Variants in IMMP2L observed in about 807,000 individuals in gnomAD.
IMMP2L encodes inner mitochondrial membrane peptidase subunit 2.
A neutral mutation model predicts 19.3 loss-of-function variants in IMMP2L; 18 were observed. The ratio of observed to expected loss-of-function variants is 0.93; its 90% confidence interval spans 0.64 to 1.38. The LOEUF (loss-of-function observed/expected upper bound fraction) is 1.38. Ranked by LOEUF, IMMP2L falls within the 40% of genes most tolerant of loss-of-function variation. IMMP2L has a pLI of 0.00. For synonymous variants in IMMP2L, 76 were observed against 73.0 expected (o/e 1.04, Z -0.21); for missense variants, 233 against 218.2 (o/e 1.07, Z -0.43).
At chr7:111,155,086 G>A (rs1165742624) in intron 3 of IMMP2L, among the ~76,000 whole-genome samples, 1 of 152,052 alleles carries the variant, frequency 6.6e-6, no homozygotes, top group African/African-American at 2.4e-5. Flanking sequence ...TTCTGCTGGG[G>A]AGGAGAGATA....
chr7:111,393,242 T>C (rs1832559924), intron 3 of IMMP2L, among the ~76,000 whole-genome samples: 1 of 151,948 alleles, frequency 6.6e-6, no homozygotes. Flanking sequence ...TTTCTGAAGC[T>C]CTCTGCTGGG....
At chr7:111,011,440 T>C (rs1025357587) in intron 3 of IMMP2L, among the ~76,000 whole-genome samples, 1 of 152,134 alleles carries the variant, frequency 6.6e-6, no homozygotes, top group Non-Finnish European at 1.5e-5. Flanking sequence ...ACAGATAGTT[T>C]CCTTCAGGAA....
chr7:110,816,185 C>G (rs908851764), intron 5 of IMMP2L, among the ~76,000 whole-genome samples: 1 of 152,110 alleles, frequency 6.6e-6, no homozygotes, highest in Non-Finnish European at 1.5e-5. Flanking sequence ...TCATTGGTTT[C>G]AAAGAACATC....
chr7:111,035,423 C>T (rs13228783), intron 3 of IMMP2L, among the ~76,000 whole-genome samples: 39 of 152,262 alleles, frequency 2.6e-4, no homozygotes, highest in African/African-American at 8.9e-4. Flanking sequence ...TAGTTAAGTA[C>T]AGATGCTTTC....
intron 5 of IMMP2L, among the ~76,000 whole-genome samples, chr7:110,821,216 C>G (rs1283247622): frequency 1.3e-5 from 2 of 152,050 alleles, no homozygotes; most frequent in Non-Finnish European, 2.9e-5. Flanking sequence ...GGTTAAATAA[C>G]TTGCCCAAAA....
intron 3 of IMMP2L, among the ~76,000 whole-genome samples, chr7:111,447,249 T>C (rs1429913737): frequency 8.2e-6 from 1 of 122,354 alleles, no homozygotes; most frequent in Non-Finnish European, 1.7e-5. Context: ...CCAAGACACA[T>C]AATTGTCAGA....
intron 5 of IMMP2L, among the ~76,000 whole-genome samples, chr7:110,832,171 G>A (rs1804033344): frequency 6.6e-6 from 1 of 152,008 alleles, no homozygotes; most frequent in South Asian, 2.1e-4. Context: ...CTGAGGCAGG[G>A]GAATCATTTG....
intron 3 of IMMP2L, among the ~76,000 whole-genome samples, chr7:111,407,594 A>C (rs986620060): frequency 2.0e-5 from 3 of 152,070 alleles, no homozygotes. Flanking sequence ...TGAAATATCC[A>C]GAAGGGGAAA....
chr7:110,925,009 T>C (rs1039833948), intron 4 of IMMP2L, among the ~76,000 whole-genome samples: 3 of 152,146 alleles, frequency 2.0e-5, no homozygotes, highest in African/African-American at 7.2e-5. Flanking sequence ...AAAAGGAGTA[T>C]GATGAAGAAA....
intron 3 of IMMP2L, among the ~76,000 whole-genome samples, chr7:111,403,295 G>C (rs569272855): frequency 6.6e-6 from 1 of 151,816 alleles, no homozygotes; most frequent in South Asian, 2.1e-4. Flanking sequence ...CACCACATAA[G>C]ACATCCACTT....
intron 3 of IMMP2L, among the ~76,000 whole-genome samples, chr7:111,000,474 T>C (rs1823540266): frequency 6.6e-6 from 1 of 152,144 alleles, no homozygotes; most frequent in Non-Finnish European, 1.5e-5. Context: ...ATTTGGGTGA[T>C]GGGGGGACTT....
intron 3 of IMMP2L, among the ~76,000 whole-genome samples, chr7:111,448,239 A>G (rs1380525287): frequency 8.3e-6 from 1 of 119,822 alleles, no homozygotes; most frequent in Non-Finnish European, 1.7e-5. Flanking sequence ...CTCCACCCCA[A>G]ATCAACAGAA....
intron 3 of IMMP2L, among the ~76,000 whole-genome samples, chr7:111,116,501 C>T (rs186804813): frequency 2.6e-4 from 39 of 152,100 alleles, no homozygotes; most frequent in African/African-American, 9.4e-4. Context: ...TGAACAATAA[C>T]AAAAATAATT....
chr7:110,777,709 T>C (rs1799486957), intron 5 of IMMP2L, among the ~76,000 whole-genome samples: 1 of 152,000 alleles, frequency 6.6e-6, no homozygotes, highest in African/African-American at 2.4e-5. Context: ...GGATCTGCAA[T>C]AGTGGTGGCT....
chr7:111,440,453 G>A (rs550831237), intron 3 of IMMP2L, among the ~76,000 whole-genome samples: 1 of 151,986 alleles, frequency 6.6e-6, no homozygotes, highest in Non-Finnish European at 1.5e-5. Context: ...TGGGTGACCA[G>A]GTGCATTATC....
At chr7:110,839,747 A>C (rs1275497954) in intron 5 of IMMP2L, among the ~76,000 whole-genome samples, 3 of 152,100 alleles carry the variant, frequency 2.0e-5, no homozygotes, top group Non-Finnish European at 4.4e-5. Context: ...GCTATATATG[A>C]TATCTATTCA....
intron 5 of IMMP2L, among the ~76,000 whole-genome samples, chr7:110,810,791 A>G (rs1024585710): frequency 6.6e-6 from 1 of 152,106 alleles, no homozygotes; most frequent in Non-Finnish European, 1.5e-5. Flanking sequence ...TTTGTGAAGT[A>G]GTTTGTACTG....
chr7:110,791,982 G>C (rs964012749), intron 5 of IMMP2L, among the ~76,000 whole-genome samples: 2 of 151,892 alleles, frequency 1.3e-5, no homozygotes, highest in Admixed American at 6.6e-5. Flanking sequence ...CCCTCTATGA[G>C]AACATGGAGT....
At chr7:111,074,911 T>C (rs192317121) in intron 3 of IMMP2L, among the ~76,000 whole-genome samples, 6 of 152,154 alleles carry the variant, frequency 3.9e-5, no homozygotes, top group East Asian at 1.9e-4. Context: ...ACAAAGAAAT[T>C]TGAGAGACTT....
Sources: allele counts gnomAD v4.1 joint callset (sites outside exome capture counted in the v4.1 genomes callset), GRCh38; gene constraint gnomAD v4.1.1; transcripts MANE v1.5; gene names NCBI Gene and HGNC (gene_info 2026-07-23, HGNC 2026-07-21).